The following FIP1L1 variants were observed in gnomAD, a reference collection of about 807,000 sequenced individuals.
The protein encoded by FIP1L1 is factor interacting with PAPOLA and CPSF1.
In FIP1L1, 21 loss-of-function variants were observed where a neutral mutation model predicts 84.6. That is an observed-to-expected ratio of 0.25 (90% CI 0.18 to 0.36). FIP1L1 has a LOEUF of 0.36. Among genes scored for constraint, FIP1L1 ranks in the 10% least tolerant of loss-of-function variants. The pLI is 1.00. For synonymous variants in FIP1L1, 263 were observed against 242.3 expected (o/e 1.09, Z -0.80); for missense variants, 526 against 751.1 (o/e 0.70, Z 3.50).
At chr4:53,427,877 A>C (rs779133720) in intron 12 of FIP1L1, 150 bp from the exon 13 acceptor site, 1 of 607,034 alleles carries the variant, frequency 1.6e-6, no homozygotes, top group Non-Finnish European at 2.8e-6. Flanking sequence ...CATATCACAC[A>C]TGTAGAACTA....
chr4:53,398,036 T>C (rs1381659372), intron 9 of FIP1L1, among the ~76,000 whole-genome samples: 3 of 152,230 alleles, frequency 2.0e-5, no homozygotes, highest in African/African-American at 7.2e-5. Context: ...CTTTTTGTGT[T>C]ATTATAACAT....
At chr4:53,430,341 CTTTTTT>C (rs376793476) in intron 13 of FIP1L1, among the ~76,000 whole-genome samples, 7 of 75,806 alleles carry the variant, frequency 9.2e-5, no homozygotes, top group East Asian at 4.2e-4. Flanking sequence ...GATAAAATTA[CTTTTTT>C]TTTTTTTTTT....
At position 53,377,877 on chromosome 4, in the gene FIP1L1, G is replaced by A. The variant is rs1735386002; in HGVS notation, c.39G>A (p.Leu13=). The A allele has an allele frequency of 3.7e-6, 6 of 1,603,118 alleles. No individual in the cohort carries two copies. Among genetic ancestry groups the A allele is most frequent in the Non-Finnish European group, 5.1e-6 (6 of 1,175,004 alleles). ...AGEVERLVSE[L]SGGTGGDEEE... is the part of the protein sequence containing the mutation. ...AGGTCGAGCGCCTAGTGTCGGAGCT[G>A]AGCGGCGGGACCGGAGGGGATGAGG... Residue 13 remains leucine (L), a synonymous_variant, in exon 1 of 18, where the codon CTG becomes CTA. Transcript: ENST00000337488.
rs532473752 is a variant in FIP1L1, at chr4:53,406,795, G to A, written c.815+6956G>A. 3.9e-5 allele frequency among the ~76,000 whole-genome samples: 6 copies of A among 152,286 alleles called. No individual in the cohort carries two copies. The East Asian group carries it at 5.8e-4, about 15-fold the overall frequency. On this transcript the variant is annotated intron_variant, in intron 10 of 17. Coordinates refer to ENST00000337488, the MANE Select transcript of FIP1L1 (RefSeq NM_030917.4). ...CTTCTAGATTTTCTAGTTTATTTGC[G>A]TAGAAGTGTTTGTAGTATTCTCTCA...
rs376793476 is a variant in FIP1L1 at position 53,430,341 on chromosome 4, CTT to C, written c.1174+2181_1174+2182del. 4.4e-3 allele frequency among the ~76,000 whole-genome samples: 331 copies of C among 75,824 alleles called. 1 individual carries two copies. The highest frequency in any genetic ancestry group is 0.016 in the African/African-American group (294 of 18,092). 49.7% of individuals were successfully genotyped at this position (75,824 alleles called of 152,430 possible). On this transcript the variant is annotated intron_variant, in intron 13 of 17. Transcript: ENST00000337488. The stretch of plus-strand genomic sequence containing the variant: ...ACTTTTTTTCAAAATGATAAAATTA[CTT>C]TTTTTTTTTTTTTTTTTTTTTTGGA...
intron 13 of FIP1L1, among the ~76,000 whole-genome samples, chr4:53,430,627 A>T (rs988963903): frequency 6.6e-6 from 1 of 151,734 alleles, no homozygotes; most frequent in Admixed American, 6.6e-5. Flanking sequence ...ATGAACCACT[A>T]CCCCTGACCA....
At chr4:53,406,231 A>G (rs1471348568) in intron 10 of FIP1L1, among the ~76,000 whole-genome samples, 25 of 152,104 alleles carry the variant, frequency 1.6e-4, no homozygotes, top group Admixed American at 1.3e-3. Flanking sequence ...GGGTTGTTGA[A>G]TTTTGTCAAA....
chr4:53,430,568 C>G (rs1293410404), intron 13 of FIP1L1, among the ~76,000 whole-genome samples: 11 of 152,004 alleles, frequency 7.2e-5, no homozygotes, highest in Non-Finnish European at 1.2e-4. Context: ...AACTCCTGAC[C>G]TCAAGCAATC....
intron 11 of FIP1L1, among the ~76,000 whole-genome samples, chr4:53,419,869 T>G (rs1406719009): frequency 6.6e-6 from 1 of 151,990 alleles, no homozygotes; most frequent in Non-Finnish European, 1.5e-5. Context: ...TCCCAGAACT[T>G]TGGGAGGCTG....
chr4:53,419,103 T>C (rs757509222), intron 11 of FIP1L1, among the ~76,000 whole-genome samples: 6 of 152,184 alleles, frequency 3.9e-5, no homozygotes, highest in Non-Finnish European at 8.8e-5. Flanking sequence ...AAGCATGAAA[T>C]TAAGCATAAA....
At position 53,387,785 on chromosome 4, in the gene FIP1L1, A is replaced by C. The variant is rs111651914; in HGVS notation, c.333-2024A>C. On this transcript the variant is annotated intron_variant, in intron 5 of 17. Transcript: ENST00000337488. ...TTTAGAGAAAATCCTTGATTTTTGT[A>C]CATTTGTAGAAAAATCATGTACATC... 4.6e-3 allele frequency among the ~76,000 whole-genome samples: 707 copies of C among 152,334 alleles called. 3 individuals carry two copies. The highest frequency in any genetic ancestry group is 7.0e-3 in the Non-Finnish European group (475 of 68,030).
Position 53,428,145 on chromosome 4 carries a change from C to T in FIP1L1, c.1136C>T (p.Pro379Leu), listed in dbSNP as rs1289268363. The T allele has an allele frequency of 4.4e-6, 7 of 1,606,634 alleles. No homozygotes were observed. Among genetic ancestry groups the T allele is most frequent in the South Asian group, 1.1e-5 (1 of 89,986 alleles). ...LPPPPFLPPP[P>L]TVSTAPPLIP... ...CCTCCTCCATTTCTTCCACCTCCTC[C>T]GACTGTCAGCACTGCTCCACCTCTG... Residue 379 changes from proline (P) to leucine (L), a missense_variant, in exon 13 of 18, where the codon CCG (proline) becomes CTG (leucine). Physicochemically the swap from Pro to Leu is moderately conservative, Grantham distance 98. Transcript: ENST00000337488.
chr4:53,428,180 C>A lies in FIP1L1; in HGVS notation c.1171C>A (p.Pro391Thr). Residue 391 changes from proline (P) to threonine (T), a missense_variant, in exon 13 of 18, where the codon CCG becomes ACG. By Grantham distance (38) the Pro-to-Thr change is conservative. Coordinates refer to ENST00000337488, the MANE Select transcript of FIP1L1 (RefSeq NM_030917.4). Reference protein sequence around the residue: ...VSTAPPLIPPPGFPPPPGAPP... With the variant: ...VSTAPPLIPPTGFPPPPGAPP... Reference sequence around the variant, plus strand: ...CACTGCTCCACCTCTGATTCCACCACCGGGTAAATAGTAAATAAGACATTT... The same window carrying A: ...CACTGCTCCACCTCTGATTCCACCAACGGGTAAATAGTAAATAAGACATTT... 2 of 1,569,118 alleles carry A rather than the reference C, an allele frequency of 1.3e-6. No individual in the cohort carries two copies. Among genetic ancestry groups the A allele is most frequent in the South Asian group, 1.2e-5 (1 of 81,998 alleles).
intron 13 of FIP1L1, among the ~76,000 whole-genome samples, chr4:53,428,938 A>G (rs977358461): frequency 6.6e-5 from 10 of 152,334 alleles, no homozygotes; most frequent in Middle Eastern, 6.8e-3. Flanking sequence ...CATCAGGGCA[A>G]CATGAAAGAC....
chr4:53,418,296 A>AATAC (rs1760729334), intron 11 of FIP1L1, among the ~76,000 whole-genome samples: 1 of 152,092 alleles, frequency 6.6e-6, no homozygotes, highest in Non-Finnish European at 1.5e-5. Flanking sequence ...TAAATAAATA[A>AATAC]ATACATAAAT....
chr4:53,396,101 T>C (rs1254370704), intron 9 of FIP1L1, among the ~76,000 whole-genome samples: 2 of 152,050 alleles, frequency 1.3e-5, no homozygotes, highest in Non-Finnish European at 2.9e-5. Context: ...GTATTTTTAG[T>C]AGAGACAGGG....
intron 11 of FIP1L1, among the ~76,000 whole-genome samples, chr4:53,421,285 T>A (rs1762303763): frequency 6.6e-6 from 1 of 152,228 alleles, no homozygotes; most frequent in South Asian, 2.1e-4. Context: ...TTCTGCCTCT[T>A]TGAATGTCTT....
At chr4:53,382,848 A>G (rs778311101) in intron 4 of FIP1L1, among the ~76,000 whole-genome samples, 3 of 152,192 alleles carry the variant, frequency 2.0e-5, no homozygotes, top group Non-Finnish European at 4.4e-5. Context: ...TATTTTGCCT[A>G]TGTGATCTAC....
intron 9 of FIP1L1, among the ~76,000 whole-genome samples, chr4:53,394,318 A>G (rs1202179284): frequency 2.6e-5 from 4 of 152,056 alleles, no homozygotes; most frequent in Non-Finnish European, 4.4e-5. Flanking sequence ...TTGGCCATTC[A>G]CTCATGTAAC....
Sources: allele counts gnomAD v4.1 joint callset (sites outside exome capture counted in the v4.1 genomes callset), GRCh38; gene constraint gnomAD v4.1.1; transcripts MANE v1.5; gene names NCBI Gene and HGNC (gene_info 2026-07-23, HGNC 2026-07-21).